The following BCAS1 variants were observed in gnomAD, a reference collection of about 807,000 sequenced individuals.
BCAS1 encodes breast carcinoma-amplified sequence 1.
A neutral mutation model predicts 65.4 loss-of-function variants in BCAS1; 46 were observed. The ratio of observed to expected loss-of-function variants is 0.70; its 90% CI spans 0.55 to 0.90. The LOEUF (loss-of-function observed/expected upper bound fraction) is 0.90, where lower values mean the gene tolerates loss of function less well. BCAS1 is among the 40% of genes least tolerant of loss of function. BCAS1 has a pLI of 0.00. For synonymous variants in BCAS1, 298 were observed against 293.5 expected (o/e 1.02, Z -0.16); for missense variants, 793 against 771.2 (o/e 1.03, Z -0.33).
rs779908134 is a variant in BCAS1, at chr20:53,945,014, G to T, written c.1816-18C>A. On this transcript the variant is annotated intron_variant, in intron 12 of 12. Transcript: ENST00000688948. ...TTTGGTCCCTGGAGAAAAACAGAAA[G>T]ACGTGGCAGCCTATTGAAGCTCTGT... is the stretch of plus-strand genomic sequence containing the variant. The T allele has an allele frequency of 5.0e-6, 8 of 1,612,266 alleles. No individual in the cohort carries two copies. The African/African-American group carries it at 8.0e-5, about 16-fold the overall frequency.
At chr20:54,056,786 G>C (rs1226109486) in intron 3 of BCAS1, among the ~76,000 whole-genome samples, 2 of 152,150 alleles carry the variant, frequency 1.3e-5, no homozygotes, top group African/African-American at 4.8e-5. Flanking sequence ...ACTCAGGAAA[G>C]GAAACTGAAG....
intron 12 of BCAS1, among the ~76,000 whole-genome samples, chr20:53,947,540 G>A (rs754745641): frequency 6.6e-5 from 10 of 152,106 alleles, no homozygotes; most frequent in Non-Finnish European, 1.5e-4. Flanking sequence ...CCTCATCTGT[G>A]TGAGGTCTTA....
intron 6 of BCAS1, 96 bp downstream of exon 6, chr20:53,994,916 C>CACACACACACAT (rs765710552): frequency 2.2e-6 from 2 of 911,628 alleles, no homozygotes; most frequent in South Asian, 1.4e-5. Context: ...CACACACACA[C>CACACACACACAT]ATATATGTAT....
At position 53,992,572 on chromosome 20, in the gene BCAS1, C is replaced by G; in HGVS notation, c.1002G>C (p.Lys334Asn). ...GCCTGGGGCTATCCAGGTGCTTTTTCTTGGTGCCTCTAGCCTGGATCTCGG... is the reference window on the plus strand; with the variant it reads ...GCCTGGGGCTATCCAGGTGCTTTTTGTTGGTGCCTCTAGCCTGGATCTCGG... ...KTSEIQARGT[K>N]KKHLDSPRLG... is the part of the protein sequence containing the mutation. Residue 334 changes from lysine (K) to asparagine (N), a missense_variant, in exon 7 of 13, where the codon AAG (lysine) becomes AAC (asparagine). Lys to Asn is a moderately conservative substitution (Grantham distance 94). Transcript: ENST00000688948. 2 of 1,365,574 alleles carry G rather than the reference C, an allele frequency of 1.5e-6. No homozygotes were observed. Among genetic ancestry groups the G allele is most frequent in the Non-Finnish European group, 2.0e-6 (2 of 1,021,692 alleles). 84.6% of individuals were successfully genotyped at this position (1,365,574 alleles called of 1,614,324 possible). A position where few individuals can be genotyped will look rare whatever the true frequency, so the allele number is the denominator to read the frequency against.
rs1016431389 is a variant in BCAS1, at chr20:53,985,625, T to G, written c.1063-126A>C. The G allele has an allele frequency of 5.9e-6, 5 of 847,970 alleles. No individual in the cohort carries two copies. The Admixed American group carries it at 1.7e-4, about 28-fold the overall frequency. The allele number at this position is 847,970 out of a possible 1,614,324, so 52.5% of individuals were successfully genotyped here. A position where few individuals can be genotyped will look rare whatever the true frequency, so the allele number is the denominator to read the frequency against. The stretch of plus-strand genomic sequence containing the variant: ...AATGTTAATTTTCTTCTTTATATTT[T>G]TCTGTATTTTAAAAATTTTTACTGT... On this transcript the variant is annotated intron_variant, in intron 7 of 12. Coordinates refer to ENST00000688948, the MANE Select transcript of BCAS1 (RefSeq NM_001366298.2).
At chr20:54,068,020 C>T (rs1449563502) in intron 1 of BCAS1, among the ~76,000 whole-genome samples, 1 of 152,274 alleles carries the variant, frequency 6.6e-6, no homozygotes, top group Admixed American at 6.5e-5. Flanking sequence ...TGTGTGTGCC[C>T]GCACAGTGCT....
At chr20:53,983,073 G>T (rs901317496) in intron 8 of BCAS1, among the ~76,000 whole-genome samples, 8 of 152,128 alleles carry the variant, frequency 5.3e-5, no homozygotes, top group Admixed American at 3.3e-4. Flanking sequence ...TCTATCATTA[G>T]GGAGATGAAT....
chr20:54,012,926 T>G (rs1449225578), intron 4 of BCAS1, among the ~76,000 whole-genome samples: 1 of 152,244 alleles, frequency 6.6e-6, no homozygotes, highest in African/African-American at 2.4e-5. Flanking sequence ...TGATTCTATC[T>G]CCTTTCCTTC....
At chr20:54,066,262 C>T (rs56199303) in intron 1 of BCAS1, among the ~76,000 whole-genome samples, 9,232 of 152,172 alleles carry the variant, frequency 0.061, 419 homozygotes, top group Non-Finnish European at 0.091. Context: ...TTGGTAGAGA[C>T]GGGGTTTCCC....
chr20:54,002,526 G>C (rs1442039300), intron 4 of BCAS1, among the ~76,000 whole-genome samples: 1 of 152,152 alleles, frequency 6.6e-6, no homozygotes, highest in East Asian at 1.9e-4. Flanking sequence ...CGTTTTTGGT[G>C]ATGCATGAAT....
chr20:53,982,994 A>G (rs2090520043), intron 8 of BCAS1, among the ~76,000 whole-genome samples: 1 of 152,182 alleles, frequency 6.6e-6, no homozygotes, highest in African/African-American at 2.4e-5. Flanking sequence ...TTAACTTCAT[A>G]TTTTTAATGA....
rs562159911 is a variant in BCAS1 at position 54,033,791 on chromosome 20, C to G, written c.143-4819G>C. ...TTGAGTAGGAGGGAGTCCTTCCTAA[C>G]TCATTTGATGAGGCCAGCATCATCC... On this transcript the variant is annotated intron_variant, in intron 3 of 12. Transcript: ENST00000688948. Among the ~76,000 whole-genome samples the G allele has an allele frequency of 3.3e-5, 5 of 151,472 alleles. No homozygotes were observed. The East Asian group carries it at 7.7e-4, about 23-fold the overall frequency.
At chr20:53,957,387 A>C (rs1441347144) in intron 11 of BCAS1, 45 bp downstream of exon 11, 1 of 1,517,214 alleles carries the variant, frequency 6.6e-7, no homozygotes, top group Admixed American at 1.7e-5. Context: ...AGAAGTGAGA[A>C]TACACCACTA....
intron 6 of BCAS1, 63 bp downstream of exon 6, chr20:53,994,949 C>T: frequency 6.9e-7 from 1 of 1,449,428 alleles, no homozygotes; most frequent in Non-Finnish European, 9.6e-7. Context: ...CAGGCAGACA[C>T]AAATCCAAAT....
intron 1 of BCAS1, among the ~76,000 whole-genome samples, chr20:54,060,414 G>A (rs549758297): frequency 6.4e-4 from 97 of 152,222 alleles, no homozygotes; most frequent in African/African-American, 2.2e-3. Flanking sequence ...CTGGGTTTAA[G>A]CAATTCTCCT....
chr20:54,012,472 A>T (rs1484907473), intron 4 of BCAS1, among the ~76,000 whole-genome samples: 1 of 152,048 alleles, frequency 6.6e-6, no homozygotes, highest in South Asian at 2.1e-4. Context: ...AAAAGTAAAA[A>T]AAAAAAAAAA....
intron 1 of BCAS1, among the ~76,000 whole-genome samples, chr20:54,061,992 T>C (rs1027856193): frequency 6.6e-6 from 1 of 152,218 alleles, no homozygotes; most frequent in African/African-American, 2.4e-5. Context: ...AATCATAGAA[T>C]GTGACACATG....
intron 4 of BCAS1, among the ~76,000 whole-genome samples, chr20:54,013,237 G>A (rs1474205195): frequency 3.9e-5 from 6 of 152,192 alleles, no homozygotes; most frequent in Non-Finnish European, 4.4e-5. Context: ...AAACAGAGCA[G>A]CCATCTGGAA....
chr20:53,969,620 A>G (rs1382376710), intron 9 of BCAS1, among the ~76,000 whole-genome samples: 3 of 152,180 alleles, frequency 2.0e-5, no homozygotes, highest in Non-Finnish European at 2.9e-5. Context: ...AACATGGAAC[A>G]AGAAGTTCTG....
Sources: gnomAD v4.1 joint callset for allele counts (sites outside exome capture counted in the v4.1 genomes callset) on GRCh38, gnomAD v4.1.1 for gene constraint, MANE v1.5 for transcripts, NCBI Gene and HGNC (gene_info 2026-07-23, HGNC 2026-07-21) for gene names.